Variants in ASTN2 observed in about 807,000 individuals in gnomAD.
ASTN2 encodes the protein astrotactin-2.
Under a neutral mutation model 139.8 loss-of-function variants are expected in ASTN2, and 54 were observed. The ratio of observed to expected loss-of-function variants is 0.39; its 90% confidence interval spans 0.31 to 0.48. ASTN2 has a LOEUF of 0.48. Among genes scored for constraint, ASTN2 ranks in the 20% least tolerant of loss-of-function variants. ASTN2 has a pLI of 0.95. For synonymous variants in ASTN2, 756 were observed against 719.5 expected, an observed-to-expected ratio of 1.05 and a Z score of -0.81; for missense variants, 1,565 against 1,725.1, an observed-to-expected ratio of 0.91 and a Z score of 1.64.
At chr9:117,040,926 T>C (rs1838545974) in intron 5 of ASTN2, among the ~76,000 whole-genome samples, 2 of 152,162 alleles carry the variant, frequency 1.3e-5, no homozygotes, top group Admixed American at 1.3e-4. Flanking sequence ...GTGAGACACA[T>C]ACAGAGCAGA....
At chr9:117,335,643 G>A (rs1219680367) in intron 1 of ASTN2, among the ~76,000 whole-genome samples, 2 of 152,084 alleles carry the variant, frequency 1.3e-5, no homozygotes, top group Non-Finnish European at 2.9e-5. Flanking sequence ...TCCCATAAAG[G>A]AGAATGGATT....
chr9:117,319,391 A>G (rs1828249530), intron 1 of ASTN2, among the ~76,000 whole-genome samples: 1 of 152,162 alleles, frequency 6.6e-6, no homozygotes, highest in Admixed American at 6.6e-5. Flanking sequence ...TAAAATGGGG[A>G]TAACAAATTC....
intron 17 of ASTN2, among the ~76,000 whole-genome samples, chr9:116,629,204 A>G (rs1028258458): frequency 7.6e-6 from 1 of 132,294 alleles, no homozygotes; most frequent in Non-Finnish European, 1.5e-5. Flanking sequence ...TGCAAACTCC[A>G]CCTCCCGGGT....
At chr9:116,515,508 T>C (rs1850606718) in intron 19 of ASTN2, among the ~76,000 whole-genome samples, 1 of 152,200 alleles carries the variant, frequency 6.6e-6, no homozygotes, top group African/African-American at 2.4e-5. Context: ...ATCTTGCTAC[T>C]GTCCTGAGGA....
intron 12 of ASTN2, among the ~76,000 whole-genome samples, chr9:116,817,653 T>C (rs1335814503): frequency 1.3e-5 from 2 of 152,244 alleles, no homozygotes; most frequent in Non-Finnish European, 2.9e-5. Context: ...ATTGAAAACC[T>C]ACTATGTGCC....
chr9:117,291,287 C>A (rs539293274), intron 2 of ASTN2, 39 bp downstream of exon 2: 4 of 1,608,408 alleles, frequency 2.5e-6, no homozygotes, highest in Middle Eastern at 1.8e-4. Flanking sequence ...TCCTCCCCCA[C>A]GCAATCCCCG....
In ASTN2 at chr9:116,525,799, T is replaced by C. The variant is rs1229036861; in HGVS notation, c.3356-38299A>G. Among the ~76,000 whole-genome samples, 8 of 152,294 alleles carry C rather than the reference T, an allele frequency of 5.3e-5. No homozygotes were observed. In the East Asian group the frequency reaches 1.5e-3, roughly 29 times the overall value. Reference sequence around the variant, plus strand: ...TTGAAAGGTCGTTAATAATTATCCATGGGCCTGAGAAAAATGTCAAAGCTC... The same window carrying C: ...TTGAAAGGTCGTTAATAATTATCCACGGGCCTGAGAAAAATGTCAAAGCTC... On this transcript the variant is annotated intron_variant, in intron 19 of 22. Coordinates refer to ENST00000313400, the MANE Select transcript of ASTN2 (RefSeq NM_001365068.1).
chr9:117,397,000 G>A (rs1044802809), intron 1 of ASTN2, among the ~76,000 whole-genome samples: 6 of 148,916 alleles, frequency 4.0e-5, no homozygotes, highest in Admixed American at 1.3e-4. Context: ...AGAGTGTAGC[G>A]GCCCAATCTA....
intron 19 of ASTN2, among the ~76,000 whole-genome samples, chr9:116,539,151 G>T (rs73524126): frequency 0.012 from 1,879 of 152,236 alleles, 33 homozygotes; most frequent in African/African-American, 0.043. Context: ...AATCAACAAA[G>T]ACAGAAGGTA....
chr9:116,884,261 G>A (rs1361402140), intron 10 of ASTN2, among the ~76,000 whole-genome samples: 4 of 152,114 alleles, frequency 2.6e-5, no homozygotes, highest in Admixed American at 1.3e-4. Flanking sequence ...GAAAGCCATG[G>A]GACCTGGATT....
intron 5 of ASTN2, among the ~76,000 whole-genome samples, chr9:117,082,054 T>C (rs571948775): frequency 6.6e-6 from 1 of 152,254 alleles, no homozygotes; most frequent in South Asian, 2.1e-4. Context: ...AGCTGCTATG[T>C]TTCTGTCAAC....
chr9:117,162,871 T>G (rs982104335), intron 3 of ASTN2, among the ~76,000 whole-genome samples: 29 of 151,932 alleles, frequency 1.9e-4, no homozygotes, highest in African/African-American at 6.5e-4. Flanking sequence ...ATAGAATGAG[T>G]GAATGAACAC....
At chr9:117,033,700 G>A (rs906182639) in intron 6 of ASTN2, among the ~76,000 whole-genome samples, 1 of 151,990 alleles carries the variant, frequency 6.6e-6, no homozygotes, top group Non-Finnish European at 1.5e-5. Flanking sequence ...TGGAAGCTTA[G>A]AGCATAGAAG....
intron 3 of ASTN2, among the ~76,000 whole-genome samples, chr9:117,160,257 C>T (rs951397103): frequency 6.6e-6 from 1 of 152,012 alleles, no homozygotes; most frequent in Non-Finnish European, 1.5e-5. Flanking sequence ...GAAAATCACA[C>T]AGGATCTAAG....
intron 1 of ASTN2, among the ~76,000 whole-genome samples, chr9:117,355,446 A>G (rs187922116): frequency 4.9e-4 from 75 of 152,308 alleles, no homozygotes; most frequent in African/African-American, 1.8e-3. Flanking sequence ...GCTGGATAAT[A>G]CAAACCCACT....
chr9:117,294,057 T>C (rs1272983467), intron 1 of ASTN2, among the ~76,000 whole-genome samples: 1 of 152,238 alleles, frequency 6.6e-6, no homozygotes, highest in Non-Finnish European at 1.5e-5. Context: ...AGCCTGTGCC[T>C]GAAATCCCAC....
At chr9:116,898,136 T>A (rs1218970404) in intron 10 of ASTN2, among the ~76,000 whole-genome samples, 2 of 152,042 alleles carry the variant, frequency 1.3e-5, no homozygotes, top group Admixed American at 6.6e-5. Flanking sequence ...GCTGGATGCA[T>A]TGGCTCGTGT....
intron 6 of ASTN2, among the ~76,000 whole-genome samples, chr9:117,026,914 G>A (rs1189827135): frequency 6.6e-6 from 1 of 152,158 alleles, no homozygotes; most frequent in African/African-American, 2.4e-5. Flanking sequence ...CACAAACGAG[G>A]CTTAGAGAGG....
At chr9:116,634,168 C>T (rs1856942939) in intron 17 of ASTN2, among the ~76,000 whole-genome samples, 1 of 152,098 alleles carries the variant, frequency 6.6e-6, no homozygotes, top group Admixed American at 6.5e-5. Context: ...TAGAAATGTA[C>T]AAGGATCATG....
Sources: gnomAD v4.1 joint callset for allele counts (sites outside exome capture counted in the v4.1 genomes callset) on GRCh38, gnomAD v4.1.1 for gene constraint, MANE v1.5 for transcripts, NCBI Gene and HGNC (gene_info 2026-07-23, HGNC 2026-07-21) for gene names.